Variants in SYNE2 observed in about 807,000 individuals in gnomAD.
SYNE2 encodes the protein spectrin repeat containing nuclear envelope protein 2.
In SYNE2, 431 loss-of-function variants were observed where a neutral mutation model predicts 856.3. That is an observed-to-expected ratio of 0.50 (90% confidence interval 0.47 to 0.55). SYNE2 has a LOEUF of 0.55. SYNE2 is among the 20% of genes least tolerant of loss of function. SYNE2 has a pLI of 0.00. For missense variants in SYNE2, 8,129 were observed against 8,023.2 expected, an observed-to-expected ratio of 1.01 and a Z score of -0.50; for synonymous variants, 2,923 against 2,872.3, an observed-to-expected ratio of 1.02 and a Z score of -0.56.
rs554387139 is a variant in SYNE2, at chr14:64,167,595, G to A, written c.16861G>A (p.Ala5621Thr). The change falls in exon 92 of 116, where the codon GCT becomes ACT. Residue 5621 changes from alanine (A) to threonine (T), a missense_variant. By Grantham distance (58) the Ala-to-Thr change is moderately conservative. Around this residue, in one of 3 missense-constraint regions of SYNE2, gnomAD observed 5,410 missense variants for 5,284.8 expected, o/e 1.02. Coordinates refer to ENST00000555002, the MANE Select transcript of SYNE2 (RefSeq NM_182914.3). The part of the protein sequence containing the change: ...KIEEALKVDV[A>T]NSLPELLEQQ... ...AGAAGAAGCACTCAAAGTGGATGTG[G>A]CTAACAGCCTTCCTGAGCTCCTGGA... 1 of 1,614,072 alleles carries A rather than the reference G, an allele frequency of 6.2e-7. No homozygotes were observed.
chr14:63,793,542 A>G (rs1253267784), intron 1 of SYNE2, among the ~76,000 whole-genome samples: 2 of 89,264 alleles, frequency 2.2e-5, no homozygotes, highest in Admixed American at 1.3e-4. Context: ...TAAACGTGAA[A>G]TGTCAACTCT....
chr14:63,940,580 G>A (rs758240748), intron 2 of SYNE2, 34 bp from the exon 3 acceptor site: 1 of 1,609,112 alleles, frequency 6.2e-7, no homozygotes, highest in Non-Finnish European at 8.5e-7. Context: ...TGAGGCTTCT[G>A]GTTTTATAAC....
rs529955655 is a variant in SYNE2, at chr14:63,881,143, C to T, written c.-51-27955C>T. The stretch of plus-strand genomic sequence containing the variant: ...GATTACAGGTGTGAGCCACTGTGCC[C>T]GGCAATTTTTTTTTTTGTAGAGACA... On this transcript the variant is annotated intron_variant, in intron 1 of 115. Transcript: ENST00000555002. Among the ~76,000 whole-genome samples, 9 of 151,666 alleles carry T rather than the reference C, an allele frequency of 5.9e-5. No homozygotes were observed. In the South Asian group the frequency reaches 6.3e-4, roughly 11 times the overall value.
At position 64,132,367 on chromosome 14, in the gene SYNE2, C is replaced by A. The variant is rs1190637726; in HGVS notation, c.14443C>A (p.Gln4815Lys). The A allele has an allele frequency of 6.2e-7, 1 of 1,614,062 alleles. No individual in the cohort carries two copies. The change falls in exon 77 of 116, where the codon CAA (glutamine) becomes AAA (lysine). Residue 4815 changes from glutamine to lysine, a missense_variant. Gln to Lys is a moderately conservative substitution (Grantham distance 53). Coordinates refer to ENST00000555002, the MANE Select transcript of SYNE2 (RefSeq NM_182914.3). ...AAACAGAGAGACATTTTGGGCAGAA[C>A]AAGTAACAGAAGTTAAAATACTAGA... Reference protein sequence around the residue: ...LQNRETFWAEQVTEVKILEEK... With the variant: ...LQNRETFWAEKVTEVKILEEK...
chr14:63,815,339 C>A (rs1333267829), intron 1 of SYNE2, among the ~76,000 whole-genome samples: 1 of 150,356 alleles, frequency 6.7e-6, no homozygotes, highest in African/African-American at 2.4e-5. Flanking sequence ...AGCAAGGAAG[C>A]CAGTCTGAGT....
At chr14:63,861,963 G>A (rs187709612) in intron 1 of SYNE2, among the ~76,000 whole-genome samples, 150 of 152,184 alleles carry the variant, frequency 9.9e-4, no homozygotes, top group African/African-American at 3.5e-3. Context: ...ATTGCATAAC[G>A]ATTACCCAGA....
chr14:63,847,585 A>ATTTTTTTTTTTT (rs1194475873), intron 1 of SYNE2, among the ~76,000 whole-genome samples: 1 of 137,596 alleles, frequency 7.3e-6, no homozygotes, highest in Non-Finnish European at 1.6e-5. Flanking sequence ...TATGTTCTGT[A>ATTTTTTTTTTTT]TTTTTTTTTT....
At chr14:64,188,799 G>A (rs1468026635) in intron 98 of SYNE2, 91 bp downstream of exon 98, 20 of 1,354,726 alleles carry the variant, frequency 1.5e-5, no homozygotes, top group African/African-American at 2.9e-5. Flanking sequence ...GCAATGTTAC[G>A]GGTGTTTCCA....
chr14:64,107,524 T>G lies in SYNE2; in HGVS notation c.12526T>G (p.Ser4176Ala). The G allele has an allele frequency of 1.2e-6, 2 of 1,614,122 alleles. No homozygotes were observed. Among genetic ancestry groups the G allele is most frequent in the Non-Finnish European group, 1.7e-6 (2 of 1,180,026 alleles). ...AYGKISTSDN[S>A]MAQILTPDSL... ...TGGGAAAATAAGCACCTCTGATAAT[T>G]CCATGGCACAAATCCTCACACCAGA... is the stretch of plus-strand genomic sequence containing the variant. Residue 4176 changes from serine (S) to alanine (A), a missense_variant, in exon 65 of 116, where the codon TCC (serine) becomes GCC (alanine). Physicochemically the swap from Ser to Ala is moderately conservative, Grantham distance 99. This residue lies in a region of SYNE2 where 5,410 missense variants were observed against 5,284.8 expected (regional missense o/e 1.02). Transcript: ENST00000555002.
intron 97 of SYNE2, among the ~76,000 whole-genome samples, chr14:64,187,053 T>C (rs2098495235): frequency 3.3e-5 from 5 of 152,220 alleles, no homozygotes; most frequent in Admixed American, 3.3e-4. Context: ...TTCAAGTAGC[T>C]GGTTTCTAAA....
intron 2 of SYNE2, 94 bp downstream of exon 2, chr14:63,909,321 G>T: frequency 1.3e-6 from 1 of 764,418 alleles, no homozygotes; most frequent in Non-Finnish European, 2.3e-6. Flanking sequence ...TCTCTCTTAT[G>T]GAGATAAATA....
intron 51 of SYNE2, among the ~76,000 whole-genome samples, chr14:64,069,549 C>T (rs982126572): frequency 6.6e-6 from 1 of 152,212 alleles, no homozygotes; most frequent in Non-Finnish European, 1.5e-5. Flanking sequence ...CCCCAGGCCC[C>T]TCTCGACATT....
At chr14:64,145,971 G>C in intron 83 of SYNE2, 97 bp from the exon 84 acceptor site, 1 of 862,978 alleles carries the variant, frequency 1.2e-6, no homozygotes, top group South Asian at 2.3e-5. Context: ...TTAGAAATTT[G>C]AAAAGAAGCA....
At chr14:63,905,593 C>A (rs2095398156) in intron 1 of SYNE2, among the ~76,000 whole-genome samples, 1 of 152,152 alleles carries the variant, frequency 6.6e-6, no homozygotes, top group Non-Finnish European at 1.5e-5. Flanking sequence ...TCTTGACTCT[C>A]AGCCTGGATG....
intron 1 of SYNE2, among the ~76,000 whole-genome samples, chr14:63,794,278 A>G (rs9323439): frequency 0.011 from 1,705 of 152,054 alleles, 28 homozygotes; most frequent in African/African-American, 0.038. Flanking sequence ...CTGGAGTGCA[A>G]TGGTGCGATC....
intron 17 of SYNE2, 91 bp downstream of exon 17, chr14:63,982,885 T>C (rs1170926758): frequency 7.6e-7 from 1 of 1,314,644 alleles, no homozygotes; most frequent in Non-Finnish European, 1.1e-6. Flanking sequence ...AATTGATTTC[T>C]GGTATATGCA....
intron 32 of SYNE2, 127 bp from the exon 33 acceptor site, chr14:64,016,346 C>A: frequency 4.8e-6 from 3 of 622,968 alleles, no homozygotes; most frequent in South Asian, 4.9e-5. Context: ...TAAAAAAGAA[C>A]AATGTAAGAA....
At chr14:63,798,375 CCTTAA>C (rs909331671) in intron 1 of SYNE2, among the ~76,000 whole-genome samples, 1 of 151,706 alleles carries the variant, frequency 6.6e-6, no homozygotes, top group African/African-American at 2.4e-5. Context: ...TATCTAGAAA[CCTTAA>C]CTTGTTTTTT....
At chr14:64,062,460 GT>G (rs1309475285) in intron 49 of SYNE2, among the ~76,000 whole-genome samples, 1 of 152,034 alleles carries the variant, frequency 6.6e-6, no homozygotes, top group Non-Finnish European at 1.5e-5. Flanking sequence ...GCTCATCAGT[GT>G]GTTTGAGAAT....
Sources: gnomAD v4.1 joint callset for allele counts (sites outside exome capture counted in the v4.1 genomes callset) on GRCh38, gnomAD v4.1.1 for gene constraint, gnomAD v4.1.1 regional missense constraint, MANE v1.5 for transcripts, NCBI Gene and HGNC (gene_info 2026-07-23, HGNC 2026-07-21) for gene names.